Variants in SOX5 observed in about 807,000 individuals in gnomAD.
SOX5 encodes SRY-box transcription factor 5.
A neutral mutation model predicts 92.0 loss-of-function variants in SOX5; 9 were observed. The observed-to-expected ratio is 0.10, with a 90% CI of 0.06 to 0.17. The LOEUF (loss-of-function observed/expected upper bound fraction) is 0.17, where lower values mean the gene tolerates loss of function less well. Among genes scored for constraint, SOX5 ranks in the 10% least tolerant of loss-of-function variants. The pLI, the probability that SOX5 is intolerant of heterozygous loss-of-function variation, is 1.00. For missense variants in SOX5, 642 were observed against 944.5 expected, an observed-to-expected ratio of 0.68 and a Z score of 4.20; for synonymous variants, 344 against 336.3, an observed-to-expected ratio of 1.02 and a Z score of -0.25.
chr12:24,494,283 T>C (rs1241918199), intron 1 of SOX5, among the ~76,000 whole-genome samples: 3 of 152,174 alleles, frequency 2.0e-5, no homozygotes, highest in East Asian at 3.9e-4. Flanking sequence ...AAAGGCAAGA[T>C]AACTATGGGA....
intron 1 of SOX5, among the ~76,000 whole-genome samples, chr12:24,507,109 T>C (rs1337029438): frequency 3.9e-5 from 6 of 152,068 alleles, no homozygotes; most frequent in Non-Finnish European, 7.4e-5. Context: ...CAAATGGTCT[T>C]AATGAATGAA....
chr12:23,911,381 A>T (rs1473265908), intron 1 of SOX5, among the ~76,000 whole-genome samples: 5 of 151,950 alleles, frequency 3.3e-5, no homozygotes, highest in African/African-American at 9.7e-5. Flanking sequence ...TATAAGCCAA[A>T]TTTTTTCAAT....
intron 7 of SOX5, among the ~76,000 whole-genome samples, chr12:23,651,957 T>C (rs1041144086): frequency 6.6e-6 from 1 of 151,916 alleles, no homozygotes; most frequent in Admixed American, 6.6e-5. Context: ...AATTTGTACA[T>C]AATTATGTCT....
intron 4 of SOX5, among the ~76,000 whole-genome samples, chr12:24,200,984 A>G (rs377418437): frequency 2.0e-5 from 3 of 152,246 alleles, no homozygotes; most frequent in East Asian, 3.9e-4. Context: ...CAGACCTGGG[A>G]ACCAGACCTC....
At chr12:23,686,052 G>A (rs1217917141) in intron 6 of SOX5, among the ~76,000 whole-genome samples, 8 of 152,096 alleles carry the variant, frequency 5.3e-5, no homozygotes, top group Admixed American at 4.6e-4. Context: ...TTACCATATT[G>A]TATAAGTCCC....
intron 3 of SOX5, among the ~76,000 whole-genome samples, chr12:23,843,315 T>G (rs1291103884): frequency 6.6e-6 from 1 of 152,144 alleles, no homozygotes; most frequent in Non-Finnish European, 1.5e-5. Context: ...TTAAATCAAC[T>G]CTGGACTTTA....
At chr12:24,410,053 A>T (rs950700758) in intron 1 of SOX5, among the ~76,000 whole-genome samples, 4 of 151,212 alleles carry the variant, frequency 2.6e-5, no homozygotes, top group Non-Finnish European at 5.9e-5. Flanking sequence ...GTTGGAATGC[A>T]GTTGTGCAAT....
At chr12:24,004,716 T>A (rs950951388) in intron 4 of SOX5, among the ~76,000 whole-genome samples, 9 of 152,112 alleles carry the variant, frequency 5.9e-5, no homozygotes, top group African/African-American at 2.2e-4. Context: ...AGCAGTTTCA[T>A]AAACAGTTAA....
chr12:24,535,950 T>G (rs796078747), intron 1 of SOX5, among the ~76,000 whole-genome samples: 11 of 150,998 alleles, frequency 7.3e-5, no homozygotes, highest in African/African-American at 2.7e-4. Context: ...TCACAGAAAG[T>G]CTCTCAGTAG....
chr12:24,487,638 A>C (rs1464229643), intron 1 of SOX5, among the ~76,000 whole-genome samples: 5 of 152,210 alleles, frequency 3.3e-5, no homozygotes, highest in Non-Finnish European at 7.3e-5. Context: ...TTTAAGACAG[A>C]GCTATTCCAG....
chr12:24,404,861 T>C (rs948702169), intron 1 of SOX5, among the ~76,000 whole-genome samples: 2 of 152,126 alleles, frequency 1.3e-5, no homozygotes, highest in African/African-American at 4.8e-5. Context: ...TCTTTGTGGA[T>C]GTAATTAGTT....
intron 6 of SOX5, among the ~76,000 whole-genome samples, chr12:23,679,477 C>T (rs963536315): frequency 6.6e-6 from 1 of 152,062 alleles, no homozygotes; most frequent in African/African-American, 2.4e-5. Context: ...ACTTGAAATA[C>T]TATAGTGAAT....
At position 23,588,152 on chromosome 12, in the gene SOX5, C is replaced by T. The variant is rs918402806; in HGVS notation, c.1165-12314G>A. On this transcript the variant is annotated intron_variant, in intron 9 of 14. Coordinates refer to ENST00000451604, the MANE Select transcript of SOX5 (RefSeq NM_006940.6). ...ATGCTCTGGAGACAAAATATTTTTT[C>T]TCAACATATTAAAGATGCTTAGCTT... Among the ~76,000 whole-genome samples, 5 of 151,900 alleles carry T rather than the reference C, an allele frequency of 3.3e-5. No homozygotes were observed. In the South Asian group the frequency reaches 1.0e-3, roughly 32 times the overall value.
At chr12:24,396,037 G>T (rs1439989074) in intron 1 of SOX5, among the ~76,000 whole-genome samples, 1 of 152,204 alleles carries the variant, frequency 6.6e-6, no homozygotes, top group Non-Finnish European at 1.5e-5. Context: ...TGCAGCTAGG[G>T]ATCCATCCTC....
intron 4 of SOX5, among the ~76,000 whole-genome samples, chr12:24,211,333 A>G (rs984500827): frequency 6.6e-6 from 1 of 152,218 alleles, no homozygotes; most frequent in Non-Finnish European, 1.5e-5. Flanking sequence ...TGACATACAC[A>G]TCAAAATCTT....
intron 1 of SOX5, among the ~76,000 whole-genome samples, chr12:24,522,377 CA>C (rs1339743687): frequency 6.6e-6 from 1 of 151,466 alleles, no homozygotes; most frequent in Non-Finnish European, 1.5e-5. Flanking sequence ...TAAACATTTC[CA>C]AAAAATTGAA....
At chr12:24,363,241 G>T (rs1190148697) in intron 2 of SOX5, among the ~76,000 whole-genome samples, 1 of 151,390 alleles carries the variant, frequency 6.6e-6, no homozygotes, top group African/African-American at 2.4e-5. Context: ...GTTTTACTGA[G>T]CAAAAAAAAA....
At chr12:24,476,994 T>TA (rs1566261793) in intron 1 of SOX5, among the ~76,000 whole-genome samples, 335 of 15,652 alleles carry the variant, frequency 0.021, 1 homozygote, top group African/African-American at 0.081. Flanking sequence ...AAGACCCCTC[T>TA]CAAAAAAAAA....
chr12:24,280,761 G>T (rs1031984220), intron 2 of SOX5, among the ~76,000 whole-genome samples: 1 of 151,604 alleles, frequency 6.6e-6, no homozygotes, highest in Non-Finnish European at 1.5e-5. Flanking sequence ...TATGTTTACA[G>T]AACATTCTCC....
Sources: gnomAD v4.1 joint callset for allele counts (sites outside exome capture counted in the v4.1 genomes callset) on GRCh38, gnomAD v4.1.1 for gene constraint, MANE v1.5 for transcripts, NCBI Gene and HGNC (gene_info 2026-07-23, HGNC 2026-07-21) for gene names.